PRICKLE2: variants seen among roughly 807,000 people sequenced by gnomAD.
The protein encoded by PRICKLE2 is prickle planar cell polarity protein 2, also known as prickle-like protein 2.
A neutral mutation model predicts 81.4 loss-of-function variants in PRICKLE2; 21 were observed. The observed-to-expected ratio is 0.26, with a 90% CI of 0.18 to 0.37. PRICKLE2 has a LOEUF of 0.37. Among genes scored for constraint, PRICKLE2 ranks in the 10% least tolerant of loss-of-function variants. The pLI is 1.00. For synonymous variants in PRICKLE2, 456 were observed against 421.5 expected, an observed-to-expected ratio of 1.08 and a Z score of -1.00; for missense variants, 940 against 1,109.0, an observed-to-expected ratio of 0.85 and a Z score of 2.16.
chr3:64,253,597 T>C (rs1054314913), intron 2 of PRICKLE2, among the ~76,000 whole-genome samples: 9 of 152,202 alleles, frequency 5.9e-5, no homozygotes, highest in African/African-American at 2.2e-4. Context: ...GCTCAAGACC[T>C]TATACTGGTA....
rs2076623711 is a variant in PRICKLE2, at chr3:64,099,673, C to A, written c.1913G>T (p.Arg638Met). Residue 638 changes from arginine to methionine, a missense_variant, in exon 8 of 8, where the codon AGG (arginine) becomes ATG (methionine). Physicochemically the swap from Arg to Met is moderately conservative, Grantham distance 91. This residue lies in a region of PRICKLE2 where 670 missense variants were observed against 717.2 expected (regional missense o/e 0.93). Coordinates refer to ENST00000638394, the MANE Select transcript of PRICKLE2 (RefSeq NM_198859.4). This position sits in a 1 kb window ranked among gnomAD's most constrained non-coding sequence, Gnocchi z 4.3. The stretch of plus-strand genomic sequence containing the variant: ...ATCAAAATCAAAGCTCTGATGCATC[C>A]TTCCGTGGGACTGCAGGTCTCTGTA... ...IGYRDLQSHG[R>M]MHQSFDFDGG... 6.2e-7 allele frequency: 1 copy of A among 1,614,226 alleles called. No individual in the cohort carries two copies. Among genetic ancestry groups the A allele is most frequent in the Non-Finnish European group, 8.5e-7 (1 of 1,180,046 alleles).
chr3:64,146,561 G>A (rs185292907), intron 7 of PRICKLE2: 1 of 402,816 alleles, frequency 2.5e-6, no homozygotes, highest in South Asian at 2.4e-5. Context: ...GGCTAACACG[G>A]TGAAACACGT....
chr3:64,118,960 G>A (rs2076983706), intron 7 of PRICKLE2, among the ~76,000 whole-genome samples: 1 of 152,098 alleles, frequency 6.6e-6, no homozygotes, highest in African/African-American at 2.4e-5. Context: ...GCGAAGACAT[G>A]GAATCAATCT....
chr3:64,230,084 A>C (rs902768816), upstream of PRICKLE2, among the ~76,000 whole-genome samples: 1 of 152,184 alleles, frequency 6.6e-6, no homozygotes. Context: ...CAGAAGAGAG[A>C]ACTGAAGAGG....
chr3:64,252,300 C>T (rs2079459232), intron 2 of PRICKLE2, among the ~76,000 whole-genome samples: 1 of 152,200 alleles, frequency 6.6e-6, no homozygotes, highest in Non-Finnish European at 1.5e-5. Flanking sequence ...CCTATACCAA[C>T]TCTCCTTTCT....
rs1251835148 is a variant in PRICKLE2, at chr3:64,097,784, G to C, written c.*1267C>G. On this transcript the variant is annotated 3_prime_UTR_variant, in exon 8 of 8. Coordinates refer to ENST00000638394, the MANE Select transcript of PRICKLE2 (RefSeq NM_198859.4). ...TTTCTACAATCTCTGGGAGCTCTTCGAGGTGGTTGTCACCTGTCCTCTGTT... is the reference window on the plus strand; with the variant it reads ...TTTCTACAATCTCTGGGAGCTCTTCCAGGTGGTTGTCACCTGTCCTCTGTT... 2 of 152,552 alleles carry C rather than the reference G, an allele frequency of 1.3e-5. No individual in the cohort carries two copies. The highest frequency in any genetic ancestry group is 1.3e-4 in the Admixed American group (2 of 15,268). The allele number at this position is 152,552 out of a possible 1,614,324, so 9.4% of individuals were successfully genotyped here. A position where few individuals can be genotyped will look rare whatever the true frequency, so the allele number is the denominator to read the frequency against.
chr3:64,245,768 T>A (rs6769640), intron 2 of PRICKLE2, among the ~76,000 whole-genome samples: 68,369 of 152,018 alleles, frequency 0.45, 16,904 homozygotes, highest in Non-Finnish European at 0.54. Flanking sequence ...GGGTTTGAAA[T>A]CTACATTTAG....
At chr3:64,236,983 C>T (rs1028251552) in intron 2 of PRICKLE2, among the ~76,000 whole-genome samples, 10 of 152,136 alleles carry the variant, frequency 6.6e-5, no homozygotes, top group African/African-American at 2.4e-4. Flanking sequence ...TTCCCTTAAC[C>T]CCTTTGTGGG....
intron 2 of PRICKLE2, among the ~76,000 whole-genome samples, chr3:64,266,310 A>G (rs1475748767): frequency 2.0e-5 from 3 of 152,248 alleles, no homozygotes; most frequent in African/African-American, 7.2e-5. Context: ...TTATTCTAAC[A>G]AAGTGTTCCT....
At chr3:64,174,665 G>T in intron 2 of PRICKLE2, 1 of 201,606 alleles carries the variant, frequency 5.0e-6, no homozygotes, top group South Asian at 1.1e-4. Context: ...GGAAATGTTT[G>T]GTGCTTTTCT....
intron 2 of PRICKLE2, among the ~76,000 whole-genome samples, chr3:64,166,149 C>G (rs2077829368): frequency 6.6e-6 from 1 of 152,108 alleles, no homozygotes; most frequent in Non-Finnish European, 1.5e-5. Context: ...TACCTCTGCT[C>G]TCTTCTCTTC....
intron 7 of PRICKLE2, among the ~76,000 whole-genome samples, chr3:64,136,628 G>A (rs527543195): frequency 8.5e-5 from 13 of 152,058 alleles, no homozygotes; most frequent in African/African-American, 2.9e-4. Flanking sequence ...GGCACTTTAC[G>A]TATAGGCAGA....
intron 1 of PRICKLE2, among the ~76,000 whole-genome samples, chr3:64,204,957 C>G (rs1178717546): frequency 6.6e-6 from 1 of 152,066 alleles, no homozygotes; most frequent in African/African-American, 2.4e-5. Context: ...ACAGCAACAC[C>G]CAACAGCTCT....
intron 5 of PRICKLE2, 143 bp from the exon 6 acceptor site, chr3:64,153,511 A>G (rs1015757037): frequency 1.1e-5 from 8 of 731,042 alleles, no homozygotes; most frequent in Admixed American, 2.3e-5. Context: ...CCATATGGAT[A>G]TGTTTATTCT....
At position 64,099,442 on chromosome 3, in the gene PRICKLE2, G is replaced by C. The variant is rs774785000; in HGVS notation, c.2144C>G (p.Pro715Arg). The C allele has an allele frequency of 6.3e-7, 1 of 1,587,360 alleles. No homozygotes were observed. The highest frequency in any genetic ancestry group is 1.1e-5 in the South Asian group (1 of 88,224). ...REAISRLKDR[P>R]PLRAREDYDQ... ...ATAGTCCTCCCTGGCTCTCAGAGGG[G>C]GCCTATCTTTTAACCGGGAGATGGC... The change falls in exon 8 of 8, where the codon CCC (proline) becomes CGC (arginine). Residue 715 changes from proline to arginine, a missense_variant. By Grantham distance (103) the Pro-to-Arg change is moderately radical (BLOSUM62 -2). This residue lies in a region of PRICKLE2 where 670 missense variants were observed against 717.2 expected (regional missense o/e 0.93). Transcript: ENST00000638394. This position sits in a 1 kb window ranked among gnomAD's most constrained non-coding sequence, Gnocchi z 4.3.
chr3:64,110,015 C>T (rs772072709), intron 7 of PRICKLE2, among the ~76,000 whole-genome samples: 14 of 152,182 alleles, frequency 9.2e-5, no homozygotes, highest in Non-Finnish European at 1.9e-4. Flanking sequence ...TTAACTAAAA[C>T]CACTTGTAAA....
Position 64,157,223 on chromosome 3 carries a change from T to C in PRICKLE2, c.539A>G (p.Lys180Arg). Residue 180 changes from lysine (K) to arginine (R), a missense_variant, in exon 5 of 8, where the codon AAG becomes AGG. By Grantham distance (26) the Lys-to-Arg change is conservative. This residue lies in a region of PRICKLE2 where 270 missense variants were observed against 391.8 expected (regional missense o/e 0.69). Transcript: ENST00000638394. ...AGCATGGTGCCTGCCACAGTATATC[T>C]TCCCATCTTGGTAAAAGTAGATCAG... ...VDLIYFYQDGKIYCGRHHAEC... is the reference protein window; with the variant it reads ...VDLIYFYQDGRIYCGRHHAEC... 2 of 1,614,202 alleles carry C rather than the reference T, an allele frequency of 1.2e-6. No homozygotes were observed. Among genetic ancestry groups the C allele is most frequent in the Non-Finnish European group, 1.7e-6 (2 of 1,180,014 alleles).
intron 2 of PRICKLE2, among the ~76,000 whole-genome samples, chr3:64,246,760 T>C (rs546340284): frequency 7.4e-4 from 113 of 152,358 alleles, no homozygotes; most frequent in African/African-American, 2.6e-3. Flanking sequence ...GGCTAAGATA[T>C]GTCTAAAGAC....
At position 64,234,490 on chromosome 3, in the gene PRICKLE2, C is replaced by T. The variant is rs111305623; in HGVS notation, c.129-35523G>A. ...GAAACGTATATTCAAATTTTTTGCT[C>T]ATTTTAAAATTGGGCACACGTGTTA... On this transcript the variant is annotated intron_variant, in intron 2 of 8. Transcript: ENST00000295902. Among the ~76,000 whole-genome samples the T allele has an allele frequency of 7.1e-3, 1,084 of 152,176 alleles. 12 individuals are homozygous for T. Among genetic ancestry groups the T allele is most frequent in the African/African-American group, 0.024 (1,012 of 41,522 alleles).
Sources: allele counts gnomAD v4.1 joint callset (sites outside exome capture counted in the v4.1 genomes callset), GRCh38; gene constraint gnomAD v4.1.1; regional missense constraint gnomAD v4.1.1; non-coding constraint Gnocchi (gnomAD v3.1); transcripts MANE v1.5; gene names NCBI Gene and HGNC (gene_info 2026-07-23, HGNC 2026-07-21).